ITFG1: variants seen among roughly 807,000 people sequenced by gnomAD.
ITFG1 encodes integrin alpha FG-GAP repeat containing 1.
ITFG1 carries 34 observed loss-of-function variants against 81.8 expected under a neutral mutation model. The ratio of observed to expected loss-of-function variants is 0.42; its 90% CI spans 0.32 to 0.55. The LOEUF is 0.55. ITFG1 is among the 20% of genes least tolerant of loss of function. The pLI, the probability that ITFG1 is intolerant of heterozygous loss-of-function variation, is 0.17. For missense variants in ITFG1, 672 were observed against 755.4 expected, an observed-to-expected ratio of 0.89 and a Z score of 1.29; for synonymous variants, 285 against 270.6, an observed-to-expected ratio of 1.05 and a Z score of -0.52.
intron 10 of ITFG1, among the ~76,000 whole-genome samples, chr16:47,276,161 A>C (rs942024795): frequency 6.6e-6 from 1 of 152,184 alleles, no homozygotes; most frequent in South Asian, 2.1e-4. Flanking sequence ...AATCCAAGAG[A>C]ATATGCCAAT....
At chr16:47,223,686 A>C (rs1965722330) in intron 13 of ITFG1, among the ~76,000 whole-genome samples, 1 of 152,110 alleles carries the variant, frequency 6.6e-6, no homozygotes, top group Non-Finnish European at 1.5e-5. Flanking sequence ...AACTAGAAAT[A>C]CCATTTGACC....
intron 1 of ITFG1, among the ~76,000 whole-genome samples, 170 bp from the exon 2 acceptor site, chr16:47,459,345 T>C (rs960514556): frequency 6.6e-6 from 1 of 152,172 alleles, no homozygotes; most frequent in Non-Finnish European, 1.5e-5. Context: ...ATGCCTAACA[T>C]TATATCACAA....
chr16:47,289,162 T>C (rs540204435), intron 10 of ITFG1, among the ~76,000 whole-genome samples: 4 of 152,348 alleles, frequency 2.6e-5, no homozygotes, highest in Admixed American at 2.0e-4. Context: ...ATTTATTGAA[T>C]TGTATAGTTT....
chr16:47,274,668 A>G (rs1321343458), intron 10 of ITFG1, among the ~76,000 whole-genome samples: 1 of 152,196 alleles, frequency 6.6e-6, no homozygotes, highest in Non-Finnish European at 1.5e-5. Flanking sequence ...CTGCCAAACA[A>G]TAGAATACCT....
At chr16:47,408,276 G>C (rs895740101) in intron 6 of ITFG1, among the ~76,000 whole-genome samples, 1 of 152,126 alleles carries the variant, frequency 6.6e-6, no homozygotes, top group African/African-American at 2.4e-5. Flanking sequence ...TGATATTAAA[G>C]AAATTTTCAG....
intron 8 of ITFG1, among the ~76,000 whole-genome samples, chr16:47,326,152 TG>T (rs1277133068): frequency 1.3e-5 from 2 of 152,210 alleles, no homozygotes; most frequent in African/African-American, 4.8e-5. Context: ...ATCCCTGGGA[TG>T]GAAGTCTGGT....
At chr16:47,155,846 TAC>T in intron 17 of ITFG1, 68 bp from the exon 18 acceptor site, 1 of 1,115,710 alleles carries the variant, frequency 9.0e-7, no homozygotes, top group Non-Finnish European at 1.3e-6. Flanking sequence ...ATTTCTGAAA[TAC>T]ACAGTGATTC....
At chr16:47,289,667 T>C (rs889518733) in intron 10 of ITFG1, among the ~76,000 whole-genome samples, 5 of 152,174 alleles carry the variant, frequency 3.3e-5, no homozygotes, top group African/African-American at 1.2e-4. Flanking sequence ...TAATGGTCCT[T>C]GTATTTCTGT....
intron 14 of ITFG1, among the ~76,000 whole-genome samples, chr16:47,203,937 C>T (rs1468321947): frequency 6.6e-6 from 1 of 152,114 alleles, no homozygotes; most frequent in Non-Finnish European, 1.5e-5. Context: ...AGGTGAAGTG[C>T]TCTGGAGAGT....
intron 6 of ITFG1, among the ~76,000 whole-genome samples, chr16:47,420,951 C>T (rs1037139297): frequency 2.0e-5 from 3 of 151,964 alleles, no homozygotes; most frequent in Non-Finnish European, 4.4e-5. Context: ...CTGTTAGATG[C>T]GTATATATTA....
At chr16:47,288,340 T>C (rs1966878075) in intron 10 of ITFG1, among the ~76,000 whole-genome samples, 1 of 152,210 alleles carries the variant, frequency 6.6e-6, no homozygotes, top group African/African-American at 2.4e-5. Flanking sequence ...AATCAATTCA[T>C]CTCTTGATGA....
intron 10 of ITFG1, among the ~76,000 whole-genome samples, chr16:47,280,888 T>C (rs184334141): frequency 3.0e-4 from 46 of 152,256 alleles, no homozygotes; most frequent in Non-Finnish European, 4.3e-4. Flanking sequence ...CATCCAGTTG[T>C]GAGGGTGGGA....
intron 8 of ITFG1, among the ~76,000 whole-genome samples, chr16:47,355,346 C>T (rs147448005): frequency 6.6e-6 from 1 of 151,982 alleles, no homozygotes; most frequent in Non-Finnish European, 1.5e-5. Flanking sequence ...ATAAGTAGAT[C>T]TCATAGAAGT....
At chr16:47,162,844 G>T in intron 14 of ITFG1, 180 bp from the exon 15 acceptor site, 1 of 481,110 alleles carries the variant, frequency 2.1e-6, no homozygotes, top group South Asian at 2.7e-5. Flanking sequence ...TTGAGACATG[G>T]TCTCACTCTG....
chr16:47,174,313 A>C (rs574094144), intron 14 of ITFG1, among the ~76,000 whole-genome samples: 1 of 152,292 alleles, frequency 6.6e-6, no homozygotes, highest in African/African-American at 2.4e-5. Flanking sequence ...CTAGCGCTAG[A>C]ATACTCTAGC....
At chr16:47,330,703 GC>G (rs1478500218) in intron 8 of ITFG1, among the ~76,000 whole-genome samples, 2 of 152,064 alleles carry the variant, frequency 1.3e-5, no homozygotes, top group Non-Finnish European at 2.9e-5. Flanking sequence ...CATACGAGCA[GC>G]CGACAAACAT....
At chr16:47,388,781 C>T (rs568889687) in intron 6 of ITFG1, among the ~76,000 whole-genome samples, 5 of 152,066 alleles carry the variant, frequency 3.3e-5, no homozygotes, top group African/African-American at 1.2e-4. Context: ...AGTGTGACCC[C>T]GTCTTACACT....
At chr16:47,346,234 A>G (rs1457716727) in intron 8 of ITFG1, among the ~76,000 whole-genome samples, 1 of 152,232 alleles carries the variant, frequency 6.6e-6, no homozygotes, top group Non-Finnish European at 1.5e-5. Context: ...TGTATCAGGT[A>G]TTGTTTCCAA....
chr16:47,256,826 T>C (rs906048629), intron 12 of ITFG1, among the ~76,000 whole-genome samples: 3 of 152,248 alleles, frequency 2.0e-5, no homozygotes, highest in Admixed American at 6.5e-5. Flanking sequence ...TTCAGCTATT[T>C]ATGCTTGTTT....
Sources: gnomAD v4.1 joint callset for allele counts (sites outside exome capture counted in the v4.1 genomes callset) on GRCh38, gnomAD v4.1.1 for gene constraint, MANE v1.5 for transcripts, NCBI Gene and HGNC (gene_info 2026-07-23, HGNC 2026-07-21) for gene names.